Variants in UGP2 observed in about 807,000 individuals in gnomAD.
UGP2 encodes the protein UTP--glucose-1-phosphate uridylyltransferase.
UGP2 carries 40 observed loss-of-function variants against 49.0 expected under a neutral mutation model. The observed-to-expected ratio is 0.82, with a 90% CI of 0.63 to 1.06. UGP2 has a LOEUF of 1.06. Ranked by LOEUF, UGP2 falls within the 50% of genes least tolerant of loss-of-function variation. UGP2 has a pLI of 0.00. For synonymous variants in UGP2, 225 were observed against 213.0 expected (o/e 1.06, Z -0.49); for missense variants, 460 against 603.5 (o/e 0.76, Z 2.49).
intron 3 of UGP2, among the ~76,000 whole-genome samples, chr2:63,876,070 G>T (rs1056599155): frequency 2.0e-5 from 3 of 152,062 alleles, no homozygotes; most frequent in Admixed American, 6.6e-5. Flanking sequence ...CCTAAAACTT[G>T]TCTCTGTGAC....
rs1276443089 is a variant in UGP2, at chr2:63,886,534, C to G, written c.1067C>G (p.Ala356Gly). The part of the protein sequence containing the change: ...NAIDMEIIVN[A>G]KTLDGGLNVI... Reference sequence around the variant, plus strand: ...ATTGACATGGAAATCATTGTGAATGCAAAGGTAAGCCAAGGTTGTGGCCCA... The same window carrying G: ...ATTGACATGGAAATCATTGTGAATGGAAAGGTAAGCCAAGGTTGTGGCCCA... Residue 356 changes from alanine (A) to glycine (G), a missense_variant, in exon 7 of 10, where the codon GCA becomes GGA. Ala to Gly is a moderately conservative substitution (Grantham distance 60). Transcript: ENST00000337130. The G allele has an allele frequency of 6.2e-7, 1 of 1,613,996 alleles. No homozygotes were observed.
intron 3 of UGP2, among the ~76,000 whole-genome samples, chr2:63,872,377 G>A (rs970263584): frequency 2.0e-5 from 3 of 152,212 alleles, no homozygotes; most frequent in Non-Finnish European, 2.9e-5. Flanking sequence ...GTGAGGGAGT[G>A]TGTCTGAATC....
intron 1 of UGP2, among the ~76,000 whole-genome samples, chr2:63,851,561 A>G (rs934495845): frequency 2.6e-5 from 4 of 152,214 alleles, no homozygotes; most frequent in African/African-American, 7.2e-5. Flanking sequence ...GCGGTTTCCC[A>G]GAGATTGGGA....
At chr2:63,885,430 T>C (rs1390434968) in intron 5 of UGP2, among the ~76,000 whole-genome samples, 159 bp from the exon 6 acceptor site, 1 of 152,200 alleles carries the variant, frequency 6.6e-6, no homozygotes, top group Non-Finnish European at 1.5e-5. Context: ...ACACAGATAC[T>C]GAGAGATTTT....
chr2:63,855,290 TTTGTAA>T (rs1669313997), intron 1 of UGP2: 1 of 346,578 alleles, frequency 2.9e-6, no homozygotes, highest in Non-Finnish European at 5.6e-6. Context: ...TTAACAGGCA[TTTGTAA>T]AAATAACTAG....
At position 63,887,438 on chromosome 2, in the gene UGP2, A is replaced by G; in HGVS notation, c.1108A>G (p.Thr370Ala). ...DGGLNVIQLE[T>A]AVGAAIKSFE... ...AGGCCTGAATGTCATTCAATTAGAA[A>G]CTGCAGTAGGGGCTGCCATCAAAAG... Residue 370 changes from threonine (T) to alanine (A), a missense_variant, in exon 8 of 10, where the codon ACT (threonine) becomes GCT (alanine). Transcript: ENST00000337130. The G allele has an allele frequency of 6.2e-7, 1 of 1,614,028 alleles. No individual in the cohort carries two copies. Among genetic ancestry groups the G allele is most frequent in the South Asian group, 1.1e-5 (1 of 91,076 alleles).
At position 63,885,634 on chromosome 2, in the gene UGP2, C is replaced by T. The variant is rs137947967; in HGVS notation, c.621C>T (p.Asp207=). The part of the protein sequence containing the change: ...NKESLLPVAK[D]VSYSGENTEA... The stretch of plus-strand genomic sequence containing the variant: ...AATCTTTACTTCCTGTAGCAAAGGA[C>T]GTGTCTTACTCAGGGGAAAATACAG... Residue 207 remains aspartate, a synonymous_variant, in exon 6 of 10, where the codon GAC becomes GAT. Coordinates refer to ENST00000337130, the MANE Select transcript of UGP2 (RefSeq NM_006759.4). 291 of 1,594,634 alleles carry T rather than the reference C, an allele frequency of 1.8e-4. No homozygotes were observed. In the African/African-American group the frequency reaches 3.3e-3, roughly 18 times the overall value.
chr2:63,887,739 T>TA (rs1671789417), intron 8 of UGP2, 95 bp downstream of exon 8: 1 of 1,462,176 alleles, frequency 6.8e-7, no homozygotes, highest in East Asian at 2.3e-5. Context: ...TTACAGTCTC[T>TA]ACCACTGACC....
chr2:63,877,628 T>G (rs1166355527), intron 3 of UGP2, among the ~76,000 whole-genome samples: 1 of 152,216 alleles, frequency 6.6e-6, no homozygotes, highest in African/African-American at 2.4e-5. Context: ...CAGTTTTCAT[T>G]GCATAAACAT....
In UGP2 at chr2:63,885,646, A is replaced by C; in HGVS notation, c.633A>C (p.Ser211=). The change falls in exon 6 of 10, where the codon TCA becomes TCC. Residue 211 remains serine, a synonymous_variant. Transcript: ENST00000337130. The stretch of plus-strand genomic sequence containing the variant: ...CTGTAGCAAAGGACGTGTCTTACTC[A>C]GGGGAAAATACAGAAGCTTGGTACC... ...LLPVAKDVSY[S]GENTEAWYPP... is the part of the protein sequence containing the mutation. 3 of 1,609,358 alleles carry C rather than the reference A, an allele frequency of 1.9e-6. No individual in the cohort carries two copies. The highest frequency in any genetic ancestry group is 2.2e-5 in the South Asian group (2 of 90,194).
chr2:63,854,943 C>CT (rs1558937011), intron 1 of UGP2: 1 of 152,434 alleles, frequency 6.6e-6, no homozygotes, highest in East Asian at 1.9e-4. Context: ...AAATGTGAGT[C>CT]TTTCAGCCAG....
chr2:63,876,437 A>G (rs1299093505), intron 3 of UGP2, among the ~76,000 whole-genome samples: 1 of 152,198 alleles, frequency 6.6e-6, no homozygotes, highest in Non-Finnish European at 1.5e-5. Context: ...GAGGCTTCCA[A>G]CAGTAACGTT....
Position 63,872,191 on chromosome 2 carries a change from T to A in UGP2, c.256-10275T>A, listed in dbSNP as rs577721319. 3.7e-4 allele frequency among the ~76,000 whole-genome samples: 57 copies of A among 152,364 alleles called. No individual in the cohort carries two copies. The South Asian group carries it at 5.2e-3, about 14-fold the overall frequency. Reference sequence around the variant, plus strand: ...CATGTCTGGGAGATCATTCAGCTAGTTCGTGACTTGAAACCTAGAAATTCA... The same window carrying A: ...CATGTCTGGGAGATCATTCAGCTAGATCGTGACTTGAAACCTAGAAATTCA... On this transcript the variant is annotated intron_variant, in intron 3 of 9. Transcript: ENST00000337130.
chr2:63,873,103 C>T (rs1670668615), intron 3 of UGP2, among the ~76,000 whole-genome samples: 1 of 152,226 alleles, frequency 6.6e-6, no homozygotes. Context: ...AACCACTCAG[C>T]TCTCAGTCTT....
chr2:63,863,907 C>G (rs1199380057), intron 3 of UGP2, among the ~76,000 whole-genome samples: 1 of 152,178 alleles, frequency 6.6e-6, no homozygotes, highest in Non-Finnish European at 1.5e-5. Context: ...ATACAGATTT[C>G]TATTTATAGA....
rs143138378 is a variant in UGP2 at position 63,884,039 on chromosome 2, T to C, written c.521T>C (p.Ile174Thr). 3 of 1,613,470 alleles carry C rather than the reference T, an allele frequency of 1.9e-6. No homozygotes were observed. Among genetic ancestry groups the C allele is most frequent in the Non-Finnish European group, 1.7e-6 (2 of 1,179,866 alleles). ...SFNTDEDTKKILQKYNHCRVK... is the reference protein window; with the variant it reads ...SFNTDEDTKKTLQKYNHCRVK... ...AACACGGATGAAGATACCAAAAAAA[T>C]ACTACAGAAGTACAATCATTGTCGT... Residue 174 changes from isoleucine (I) to threonine (T), a missense_variant, in exon 5 of 10, where the codon ATA (isoleucine) becomes ACA (threonine). Coordinates refer to ENST00000337130, the MANE Select transcript of UGP2 (RefSeq NM_006759.4).
At chr2:63,855,771 G>T (rs1478907832) in intron 1 of UGP2, 3 of 338,136 alleles carry the variant, frequency 8.9e-6, no homozygotes, top group Middle Eastern at 1.0e-3. Flanking sequence ...CAAACTCCTG[G>T]GCTCCAGGGT....
At chr2:63,860,560 G>C (rs1669765974) in intron 3 of UGP2, among the ~76,000 whole-genome samples, 1 of 151,964 alleles carries the variant, frequency 6.6e-6, no homozygotes, top group African/African-American at 2.4e-5. Flanking sequence ...ATATGCCTTT[G>C]TCATTTCAGA....
intron 1 of UGP2, among the ~76,000 whole-genome samples, chr2:63,847,755 G>A (rs919701497): frequency 6.6e-6 from 1 of 152,154 alleles, no homozygotes; most frequent in African/African-American, 2.4e-5. Context: ...GGCAAGGACC[G>A]GCCATTTACA....
Sources: allele counts gnomAD v4.1 joint callset (sites outside exome capture counted in the v4.1 genomes callset), GRCh38; gene constraint gnomAD v4.1.1; transcripts MANE v1.5; gene names NCBI Gene and HGNC (gene_info 2026-07-23, HGNC 2026-07-21).